The following MS4A6A variants were observed in gnomAD, a reference collection of about 807,000 sequenced individuals.
The protein encoded by MS4A6A is membrane-spanning 4-domains subfamily A member 6A.
MS4A6A carries 19 observed loss-of-function variants against 20.6 expected under a neutral mutation model. The ratio of observed to expected loss-of-function variants is 0.92; its 90% CI spans 0.64 to 1.36. The LOEUF (loss-of-function observed/expected upper bound fraction) is 1.36, where lower values mean the gene tolerates loss of function less well. Among genes scored for constraint, MS4A6A ranks in the 40% most tolerant of loss-of-function variants. The pLI, the probability that MS4A6A is intolerant of heterozygous loss-of-function variation, is 0.00. For missense variants in MS4A6A, 272 were observed against 261.1 expected, an observed-to-expected ratio of 1.04 and a Z score of -0.29; for synonymous variants, 108 against 105.0, an observed-to-expected ratio of 1.03 and a Z score of -0.17.
intron 4 of MS4A6A, among the ~76,000 whole-genome samples, chr11:60,177,639 T>C (rs1205483040): frequency 6.6e-6 from 1 of 152,082 alleles, no homozygotes; most frequent in Non-Finnish European, 1.5e-5. Context: ...GAATTTATAC[T>C]CAAACAAAAT....
upstream of MS4A6A, chr11:60,183,320 C>T: frequency 1.4e-6 from 1 of 726,226 alleles, no homozygotes; most frequent in East Asian, 2.8e-5. Context: ...CTTGAAGCTT[C>T]AGTTTTCTAA....
At chr11:60,180,505 T>TATTTTAAGTTC (rs1293900527) in intron 2 of MS4A6A, 9 of 156,578 alleles carry the variant, frequency 5.7e-5, no homozygotes, top group Admixed American at 3.1e-4. Flanking sequence ...TTTTAGCTTT[T>TATTTTAAGTTC]ATTTTAAGTT....
chr11:60,182,951 T>C, intron 1 of MS4A6A, 27 bp downstream of exon 1: 1 of 1,328,300 alleles, frequency 7.5e-7, no homozygotes, highest in Non-Finnish European at 9.7e-7. Flanking sequence ...AATAGTGAGA[T>C]GAGAAAAGTC....
chr11:60,175,320 G>A, intron 5 of MS4A6A, 82 bp downstream of exon 5: 1 of 1,204,762 alleles, frequency 8.3e-7, no homozygotes. Flanking sequence ...CCAATAGAGA[G>A]ATTTTCAAAA....
At chr11:60,176,506 G>A (rs1393664715) in intron 4 of MS4A6A, among the ~76,000 whole-genome samples, 2 of 152,140 alleles carry the variant, frequency 1.3e-5, no homozygotes, top group Non-Finnish European at 2.9e-5. Flanking sequence ...ACAGAAAAGA[G>A]AATTGAGCTA....
intron 5 of MS4A6A, among the ~76,000 whole-genome samples, chr11:60,174,043 A>G (rs955256559): frequency 6.6e-6 from 1 of 152,242 alleles, no homozygotes; most frequent in Non-Finnish European, 1.5e-5. Context: ...TCATGAATTT[A>G]TACTTTATCA....
intron 1 of MS4A6A, chr11:60,182,653 C>A (rs2083807480): frequency 1.3e-5 from 2 of 152,670 alleles, no homozygotes; most frequent in Admixed American, 1.3e-4. Context: ...GTATTTGTTG[C>A]TAAGCTCAGC....
intron 4 of MS4A6A, among the ~76,000 whole-genome samples, chr11:60,177,579 T>TC (rs1856908659): frequency 1.5e-5 from 1 of 68,888 alleles, no homozygotes; most frequent in Non-Finnish European, 4.1e-5. Flanking sequence ...TGTTGTTTTG[T>TC]TTTTTTGTTA....
At chr11:60,171,969 A>G (rs1414611469), downstream of MS4A6A, 1 of 490,466 alleles carries the variant, frequency 2.0e-6, no homozygotes, top group Non-Finnish European at 3.5e-6. Context: ...TGCTGAAGTC[A>G]ATGTCAGGCA....
Position 60,178,400 on chromosome 11 carries a change from C to G in MS4A6A, c.283-84G>C, listed in dbSNP as rs973819317. ...ACTATCACAATGTTTATAGACAACT[C>G]TCATGGGAAAATCCCTGAGAAACCA... is the stretch of plus-strand genomic sequence containing the variant. On this transcript the variant is annotated intron_variant, in intron 3 of 5. Transcript: ENST00000528851. 11 of 1,107,800 alleles carry G rather than the reference C, an allele frequency of 9.9e-6. No homozygotes were observed. The East Asian group carries it at 1.4e-4, about 14-fold the overall frequency. The allele number at this position is 1,107,800 out of a possible 1,614,324, so 68.6% of individuals were successfully genotyped here.
chr11:60,172,400 A>T (rs778318146), downstream of MS4A6A: 1 of 1,403,440 alleles, frequency 7.1e-7, no homozygotes. Context: ...AATAATTGCA[A>T]TTTATCACCC....
rs978296681 is a variant in MS4A6A, at chr11:60,173,203, A to G, written c.550-74T>C. On this transcript the variant is annotated intron_variant, in intron 5 of 5. Coordinates refer to ENST00000528851, the MANE Select transcript of MS4A6A (RefSeq NM_022349.4). Reference sequence around the variant, plus strand: ...CTTCATGCCTAGTTGAGAGGTGACCATAGAGATGAAGACCACCTCAACCAT... The same window carrying G: ...CTTCATGCCTAGTTGAGAGGTGACCGTAGAGATGAAGACCACCTCAACCAT... The G allele has an allele frequency of 9.2e-5, 123 of 1,333,944 alleles. No homozygotes were observed. The Admixed American group carries it at 1.9e-3, about 21-fold the overall frequency. The allele number at this position is 1,333,944 out of a possible 1,614,324, so 82.6% of individuals were successfully genotyped here.
At chr11:60,172,398 C>A, downstream of MS4A6A, 2 of 1,401,530 alleles carry the variant, frequency 1.4e-6, no homozygotes, top group Non-Finnish European at 9.3e-7. Flanking sequence ...CAAATAATTG[C>A]AATTTATCAC....
intron 3 of MS4A6A, 184 bp downstream of exon 3, chr11:60,179,647 T>G: frequency 1.5e-6 from 1 of 678,698 alleles, no homozygotes; most frequent in African/African-American, 1.8e-5. Flanking sequence ...TATTTGAGTC[T>G]GATAAGAAAT....
intron 4 of MS4A6A, among the ~76,000 whole-genome samples, chr11:60,176,828 C>T (rs187400043): frequency 1.3e-5 from 2 of 152,204 alleles, no homozygotes; most frequent in Admixed American, 1.3e-4. Flanking sequence ...TCGCTAAAGC[C>T]TCGATGTCTC....
intron 2 of MS4A6A, 116 bp downstream of exon 2, chr11:60,181,465 C>T (rs1857129090): frequency 1.5e-6 from 2 of 1,319,034 alleles, no homozygotes; most frequent in East Asian, 2.3e-5. Flanking sequence ...ACCCTAAAGT[C>T]CCTCTAGCAA....
At chr11:60,176,009 G>A (rs1260061990) in intron 4 of MS4A6A, among the ~76,000 whole-genome samples, 2 of 152,232 alleles carry the variant, frequency 1.3e-5, no homozygotes, top group Non-Finnish European at 2.9e-5. Context: ...CCTGGCGGAA[G>A]CATCAGCCAC....
chr11:60,177,777 C>T (rs894471317), intron 4 of MS4A6A, among the ~76,000 whole-genome samples: 1 of 151,978 alleles, frequency 6.6e-6, no homozygotes, highest in Non-Finnish European at 1.5e-5. Flanking sequence ...GACATCAGGC[C>T]TAAATGTAAT....
At chr11:60,176,751 T>A (rs1468586803) in intron 4 of MS4A6A, among the ~76,000 whole-genome samples, 1 of 152,126 alleles carries the variant, frequency 6.6e-6, no homozygotes, top group African/African-American at 2.4e-5. Flanking sequence ...TAAGCTAGAT[T>A]TGTCTTGAGA....
Sources: allele counts gnomAD v4.1 joint callset (sites outside exome capture counted in the v4.1 genomes callset), GRCh38; gene constraint gnomAD v4.1.1; transcripts MANE v1.5; gene names NCBI Gene and HGNC (gene_info 2026-07-23, HGNC 2026-07-21).